Variants in CIRBP observed in about 807,000 individuals in gnomAD.
CIRBP encodes cold inducible RNA binding protein.
Under a neutral mutation model 22.3 loss-of-function variants are expected in CIRBP, and 11 were observed. That is an observed-to-expected ratio of 0.49 (90% CI 0.31 to 0.82). The LOEUF (loss-of-function observed/expected upper bound fraction) is 0.82. Ranked by LOEUF, CIRBP falls within the 40% of genes least tolerant of loss-of-function variation. CIRBP has a pLI of 0.05. For synonymous variants in CIRBP, 216 were observed against 158.8 expected, an observed-to-expected ratio of 1.36 and a Z score of -2.71; for missense variants, 456 against 402.7, an observed-to-expected ratio of 1.13 and a Z score of -1.13.
At position 1,271,531 on chromosome 19, in the gene CIRBP, AC is replaced by A; in HGVS notation, c.350-19del. ...GTACTGCTGGTGGGAGCTGGTACTC[AC>A]TTTTTCCTGTATGTGCAGGAGGAGG... On this transcript the variant is annotated intron_variant, in intron 4 of 5. Transcript: ENST00000587896. 5 of 1,592,310 alleles carry A rather than the reference AC, an allele frequency of 3.1e-6. No individual in the cohort carries two copies. Among genetic ancestry groups the A allele is most frequent in the Non-Finnish European group, 4.3e-6 (5 of 1,170,178 alleles).
chr19:1,272,617 C>T lies in CIRBP; in HGVS notation c.*174C>T, dbSNP rs918819959. On this transcript the variant is annotated 3_prime_UTR_variant, in exon 6 of 6. Coordinates refer to ENST00000587896, the MANE Select transcript of CIRBP (RefSeq NM_001300829.2). ...ACCGCTTCTGACGCCGGGATGGCCT[C>T]GTTACTAGACTTTTCTTTTTAAGGA... 1.9e-5 allele frequency: 10 copies of T among 525,466 alleles called. No homozygotes were observed. The highest frequency in any genetic ancestry group is 1.3e-4 in the Admixed American group (4 of 31,754). 32.6% of individuals were successfully genotyped at this position (525,466 alleles called of 1,614,324 possible).
At position 1,269,704 on chromosome 19, in the gene CIRBP, A is replaced by G. The variant is rs536069407; in HGVS notation, c.-7+294A>G. 61 of 350,354 alleles carry G rather than the reference A, an allele frequency of 1.7e-4. 1 individual carries two copies. Among genetic ancestry groups the G allele is most frequent in the South Asian group, 1.2e-3 (59 of 47,244 alleles). 21.7% of individuals were successfully genotyped at this position (350,354 alleles called of 1,614,324 possible). A position where few individuals can be genotyped will look rare whatever the true frequency, so the allele number is the denominator to read the frequency against. ...GCCGAGTTCCCGGATGGAGTGGCGC[A>G]GGGTGCGCGCGGGGCGCATGCGCAC... On this transcript the variant is annotated intron_variant, in intron 1 of 5. Transcript: ENST00000587896.
chr19:1,270,800 A>C (rs1355754149), intron 1 of CIRBP, 128 bp from the exon 2 acceptor site: 1 of 753,118 alleles, frequency 1.3e-6, no homozygotes, highest in Non-Finnish European at 2.3e-6. Context: ...AGTTTGAGAT[A>C]ATGAAAAATA....
intron 1 of CIRBP, chr19:1,270,165 C>A (rs775108866): frequency 1.4e-5 from 7 of 506,342 alleles, no homozygotes; most frequent in Admixed American, 9.8e-5. Context: ...CGGCCTAGGT[C>A]CTGGCTATGG....
rs760130363 is a variant in CIRBP at position 1,272,168 on chromosome 19, C to T, written c.619C>T (p.Pro207Ser). 3.4e-5 allele frequency: 54 copies of T among 1,605,040 alleles called. No individual in the cohort carries two copies. The highest frequency in any genetic ancestry group is 1.6e-4 in the Middle Eastern group (1 of 6,080). ...WTLRPCHCAC[P>S]EEAHLSSQSH... ...ACTCAGACCTTGTCACTGTGCTTGCCCAGAAGAGGCGCATCTGTCCTCTCA... is the reference window on the plus strand; with the variant it reads ...ACTCAGACCTTGTCACTGTGCTTGCTCAGAAGAGGCGCATCTGTCCTCTCA... The change falls in exon 6 of 6, where the codon CCA becomes TCA. Residue 207 changes from proline to serine, a missense_variant. Physicochemically the swap from Pro to Ser is moderately conservative, Grantham distance 74. Transcript: ENST00000587896.
chr19:1,270,633 C>T (rs999561602), intron 1 of CIRBP, among the ~76,000 whole-genome samples: 22 of 151,654 alleles, frequency 1.5e-4, no homozygotes, highest in Admixed American at 3.9e-4. Flanking sequence ...ATTATCCAGG[C>T]GTGGTGGTGT....
In CIRBP at chr19:1,274,630, C is replaced by T. The variant is rs1269932609; in HGVS notation, c.*2187C>T. 3.8e-6 allele frequency: 1 copy of T among 265,236 alleles called. No individual in the cohort carries two copies. The highest frequency in any genetic ancestry group is 7.1e-6 in the Non-Finnish European group (1 of 141,492). 16.4% of individuals were successfully genotyped at this position (265,236 alleles called of 1,614,324 possible). A position where few individuals can be genotyped will look rare whatever the true frequency, so the allele number is the denominator to read the frequency against. On this transcript the variant is annotated 3_prime_UTR_variant, in exon 6 of 6. Coordinates refer to ENST00000587896, the MANE Select transcript of CIRBP (RefSeq NM_001300829.2). The stretch of plus-strand genomic sequence containing the variant: ...CCTGGAGCCCGCGCCTGTTCTCCCT[C>T]CCTTCCTCCTCCTTCCAGGAGGCGC...
intron 4 of CIRBP, 33 bp from the exon 5 acceptor site, chr19:1,271,518 G>A: frequency 6.2e-7 from 1 of 1,600,436 alleles, no homozygotes. Context: ...ACTGCTGGTG[G>A]GAGCTGGTAC....
In CIRBP at chr19:1,271,047, T is replaced by C; in HGVS notation, c.103+11T>C. 6.2e-7 allele frequency: 1 copy of C among 1,613,172 alleles called. No homozygotes were observed. Among genetic ancestry groups the C allele is most frequent in the Non-Finnish European group, 8.5e-7 (1 of 1,179,252 alleles). Reference sequence around the variant, plus strand: ...GACAGATCTCTGAAGGTGAGGCTGCTGCTGGGCCCGCGGCCCTGGGCGGGG... The same window carrying C: ...GACAGATCTCTGAAGGTGAGGCTGCCGCTGGGCCCGCGGCCCTGGGCGGGG... On this transcript the variant is annotated intron_variant, in intron 2 of 5. Coordinates refer to ENST00000587896, the MANE Select transcript of CIRBP (RefSeq NM_001300829.2).
chr19:1,272,236 C>T lies in CIRBP; in HGVS notation c.687C>T (p.Asp229=). 2 of 1,601,452 alleles carry T rather than the reference C, an allele frequency of 1.2e-6. No homozygotes were observed. The highest frequency in any genetic ancestry group is 1.3e-5 in the African/African-American group (1 of 74,922). ...GGACGCAAAAGCCAAATGAGACTGACCAAAAAGGCAAGGGAGAGCGAGGGC... is the reference window on the plus strand; with the variant it reads ...GGACGCAAAAGCCAAATGAGACTGATCAAAAAGGCAAGGGAGAGCGAGGGC... ...YRRTQKPNET[D]QKGKGERGPA... is the part of the protein sequence containing the mutation. The change falls in exon 6 of 6, where the codon GAC becomes GAT. Residue 229 remains aspartate (D), a synonymous_variant. Coordinates refer to ENST00000587896, the MANE Select transcript of CIRBP (RefSeq NM_001300829.2).
intron 1 of CIRBP, 95 bp from the exon 2 acceptor site, chr19:1,270,833 C>A: frequency 1.2e-6 from 1 of 825,654 alleles, no homozygotes; most frequent in Non-Finnish European, 2.1e-6. Flanking sequence ...TCTAATATTT[C>A]CCCTAAAAAA....
Position 1,271,054 on chromosome 19 carries a change from C to A in CIRBP, c.103+18C>A. The A allele has an allele frequency of 6.2e-7, 1 of 1,611,918 alleles. No individual in the cohort carries two copies. The highest frequency in any genetic ancestry group is 8.5e-7 in the Non-Finnish European group (1 of 1,178,160). On this transcript the variant is annotated intron_variant, in intron 2 of 5. Coordinates refer to ENST00000587896, the MANE Select transcript of CIRBP (RefSeq NM_001300829.2). ...CTCTGAAGGTGAGGCTGCTGCTGGG[C>A]CCGCGGCCCTGGGCGGGGGGGCTTG...
downstream of CIRBP, chr19:1,274,844 G>A (rs546625390): frequency 6.5e-6 from 1 of 152,948 alleles, no homozygotes; most frequent in East Asian, 1.9e-4. Context: ...TCTGTCGGCG[G>A]AGCGGGGCCA....
chr19:1,271,650 C>A lies in CIRBP; in HGVS notation c.431+18C>A. The A allele has an allele frequency of 6.9e-7, 1 of 1,451,724 alleles. No individual in the cohort carries two copies. Among genetic ancestry groups the A allele is most frequent in the Non-Finnish European group, 9.4e-7 (1 of 1,060,074 alleles). 89.9% of individuals were successfully genotyped at this position (1,451,724 alleles called of 1,614,324 possible). ...TATAGCAGGTGAGGGGGAGGCCGGCCCAAGCACAGGGGTGGTTGCGGGATG... is the reference window on the plus strand; with the variant it reads ...TATAGCAGGTGAGGGGGAGGCCGGCACAAGCACAGGGGTGGTTGCGGGATG... On this transcript the variant is annotated intron_variant, in intron 5 of 5. Transcript: ENST00000587896.
chr19:1,274,485 C>T lies in CIRBP; in HGVS notation c.*2042C>T, dbSNP rs1198314803. 5.1e-6 allele frequency: 2 copies of T among 392,386 alleles called. No individual in the cohort carries two copies. Among genetic ancestry groups the T allele is most frequent in the East Asian group, 3.6e-5 (1 of 27,658 alleles). 24.3% of individuals were successfully genotyped at this position (392,386 alleles called of 1,614,324 possible). ...GTGGCATGTGGCGCTGAGCCCTGTC[C>T]CGGGCGGCACCTGGGCGTTTCAGTG... On this transcript the variant is annotated 3_prime_UTR_variant, in exon 6 of 6. Coordinates refer to ENST00000587896, the MANE Select transcript of CIRBP (RefSeq NM_001300829.2).
rs1404528305 is a variant in CIRBP, at chr19:1,274,427, G to A, written c.*1984G>A. On this transcript the variant is annotated 3_prime_UTR_variant, in exon 6 of 6. Transcript: ENST00000587896. ...GAGCTGGAGGCAGCCGCTTGCCCAGGAGGCTTGTCCCCTGTAAGTGCTTTC... is the reference window on the plus strand; with the variant it reads ...GAGCTGGAGGCAGCCGCTTGCCCAGAAGGCTTGTCCCCTGTAAGTGCTTTC... 3 of 399,660 alleles carry A rather than the reference G, an allele frequency of 7.5e-6. No homozygotes were observed. Among genetic ancestry groups the A allele is most frequent in the Non-Finnish European group, 1.3e-5 (3 of 225,604 alleles). 24.8% of individuals were successfully genotyped at this position (399,660 alleles called of 1,614,324 possible).
rs753735156 is a variant in CIRBP at position 1,271,614 on chromosome 19, C to T, written c.413C>T (p.Ser138Phe). 5.8e-6 allele frequency: 9 copies of T among 1,551,058 alleles called. No individual in the cohort carries two copies. The highest frequency in any genetic ancestry group is 7.9e-6 in the Non-Finnish European group (9 of 1,145,920). The change falls in exon 5 of 6, where the codon TCC (serine) becomes TTC (phenylalanine). Residue 138 changes from serine to phenylalanine, a missense_variant. Ser to Phe is a radical substitution (Grantham distance 155). Transcript: ENST00000587896. ...TCCAGGAGTGGGGGCTACGGAGGCTCCAGAGACTACTATAGCAGGTGAGGG... is the reference window on the plus strand; with the variant it reads ...TCCAGGAGTGGGGGCTACGGAGGCTTCAGAGACTACTATAGCAGGTGAGGG... ...FESRSGGYGG[S>F]RDYYSSRSQS...
Position 1,272,137 on chromosome 19 carries a change from C to A in CIRBP, c.588C>A (p.Gly196=). The change falls in exon 6 of 6, where the codon GGC becomes GGA. Residue 196 remains glycine, a synonymous_variant. Coordinates refer to ENST00000587896, the MANE Select transcript of CIRBP (RefSeq NM_001300829.2). ...FTLVPSPSTL[G]WTLRPCHCAC... ...TGGTGCCCTCTCCAAGCACTTTAGG[C>A]TGGACACTCAGACCTTGTCACTGTG... 6.2e-7 allele frequency: 1 copy of A among 1,612,900 alleles called. No homozygotes were observed. Among genetic ancestry groups the A allele is most frequent in the Non-Finnish European group, 8.5e-7 (1 of 1,179,782 alleles).
chr19:1,269,754 GC>G (rs924926728), intron 1 of CIRBP: 3 of 405,388 alleles, frequency 7.4e-6, no homozygotes, highest in Non-Finnish European at 1.5e-5. Flanking sequence ...GCCACGTGGC[GC>G]CCCCGGTCTC....
Sources: allele counts gnomAD v4.1 joint callset (sites outside exome capture counted in the v4.1 genomes callset), GRCh38; gene constraint gnomAD v4.1.1; transcripts MANE v1.5; gene names NCBI Gene and HGNC (gene_info 2026-07-23, HGNC 2026-07-21).